Variants in GPC5 observed in about 807,000 individuals in gnomAD.
GPC5 encodes glypican 5, also known as glypican-5.
In GPC5, 47 loss-of-function variants were observed where a neutral mutation model predicts 53.9. The observed-to-expected ratio is 0.87, with a 90% confidence interval of 0.69 to 1.11. The LOEUF (loss-of-function observed/expected upper bound fraction) is 1.11, where lower values mean the gene tolerates loss of function less well. Among genes scored for constraint, GPC5 ranks in the 50% most tolerant of loss-of-function variants. The pLI is 0.00. For missense variants in GPC5, 748 were observed against 713.1 expected (o/e 1.05, Z -0.56); for synonymous variants, 286 against 263.3 (o/e 1.09, Z -0.84).
intron 6 of GPC5, among the ~76,000 whole-genome samples, chr13:91,942,366 ACAG>A (rs1566354356): frequency 2.6e-5 from 4 of 152,070 alleles, no homozygotes; most frequent in South Asian, 2.1e-4. Context: ...GCTGGTGCAT[ACAG>A]TCCATCAAGT....
chr13:92,840,465 T>C (rs982496634), intron 7 of GPC5, among the ~76,000 whole-genome samples: 2 of 152,090 alleles, frequency 1.3e-5, no homozygotes, highest in Admixed American at 6.6e-5. Flanking sequence ...CCTTGATTTG[T>C]CTATCTTTAT....
At chr13:92,338,951 G>A (rs1190426922) in intron 7 of GPC5, among the ~76,000 whole-genome samples, 1 of 152,038 alleles carries the variant, frequency 6.6e-6, no homozygotes, top group Non-Finnish European at 1.5e-5. Flanking sequence ...AGTGTGTGAT[G>A]TTGATAATGG....
At chr13:92,780,534 A>G (rs1875984507) in intron 7 of GPC5, among the ~76,000 whole-genome samples, 1 of 152,082 alleles carries the variant, frequency 6.6e-6, no homozygotes, top group Non-Finnish European at 1.5e-5. Flanking sequence ...AATAAAAAAC[A>G]GTATCAATGA....
intron 2 of GPC5, among the ~76,000 whole-genome samples, chr13:91,572,410 AG>A (rs2031963823): frequency 6.6e-6 from 1 of 151,936 alleles, no homozygotes; most frequent in African/African-American, 2.4e-5. Context: ...TAAAGAAAAA[AG>A]GTTTATTTGC....
chr13:91,919,998 A>T (rs1471770417), intron 6 of GPC5, among the ~76,000 whole-genome samples: 2 of 152,190 alleles, frequency 1.3e-5, no homozygotes, highest in East Asian at 3.9e-4. Flanking sequence ...ATCTATGGTG[A>T]AATCCTTTAC....
chr13:92,102,489 G>A (rs900905422), intron 6 of GPC5, among the ~76,000 whole-genome samples: 1 of 152,162 alleles, frequency 6.6e-6, no homozygotes, highest in Non-Finnish European at 1.5e-5. Flanking sequence ...AGGAAGGACT[G>A]TATCTAGAAT....
intron 7 of GPC5, among the ~76,000 whole-genome samples, chr13:92,147,402 CATATGTGTGT>C (rs983706767): frequency 6.6e-6 from 1 of 151,476 alleles, no homozygotes; most frequent in Non-Finnish European, 1.5e-5. Context: ...AGTGTGTGTG[CATATGTGTGT>C]ATAAATAGTA....
At chr13:91,665,538 T>C (rs918561364) in intron 2 of GPC5, among the ~76,000 whole-genome samples, 6 of 135,054 alleles carry the variant, frequency 4.4e-5, no homozygotes, top group African/African-American at 1.3e-4. Flanking sequence ...AGTCTCGCTC[T>C]GTCGCCCAGG....
At chr13:91,752,229 GGTAT>G (rs572925376) in intron 4 of GPC5, among the ~76,000 whole-genome samples, 17 of 151,726 alleles carry the variant, frequency 1.1e-4, no homozygotes, top group Admixed American at 3.3e-4. Context: ...TTTATGTGTG[GGTAT>G]GTATGTATGT....
intron 5 of GPC5, among the ~76,000 whole-genome samples, chr13:91,817,120 A>T (rs1038140457): frequency 6.6e-6 from 1 of 152,198 alleles, no homozygotes; most frequent in African/African-American, 2.4e-5. Context: ...GAATGCCAGT[A>T]TCACATACCT....
intron 7 of GPC5, among the ~76,000 whole-genome samples, chr13:92,520,183 A>C (rs1025076393): frequency 1.4e-4 from 22 of 152,112 alleles, no homozygotes; most frequent in Non-Finnish European, 3.1e-4. Flanking sequence ...GATTCACAGC[A>C]GAATTCTACC....
Position 91,399,127 on chromosome 13 carries a change from G to A in GPC5, c.81G>A (p.Val27=). The change falls in exon 1 of 8, where the codon GTG becomes GTA. Residue 27 remains valine (V), a synonymous_variant. Transcript: ENST00000377067. ...TTGGGTCCGCCCGCAGCGAGGGCGT[G>A]CAGACCTGCGAAGAAGTTCGGAAAC... ...ALVGSARSEG[V]QTCEEVRKLF... 2 of 1,612,440 alleles carry A rather than the reference G, an allele frequency of 1.2e-6. No individual in the cohort carries two copies. Among genetic ancestry groups the A allele is most frequent in the South Asian group, 1.1e-5 (1 of 90,654 alleles).
At chr13:92,582,527 T>C (rs1883405371) in intron 7 of GPC5, among the ~76,000 whole-genome samples, 1 of 152,124 alleles carries the variant, frequency 6.6e-6, no homozygotes, top group Non-Finnish European at 1.5e-5. Flanking sequence ...TTTTTCTATT[T>C]CTATAAAAAA....
chr13:92,538,511 T>A lies in GPC5; in HGVS notation c.1562-327771T>A, dbSNP rs574718601. ...AAGTTCTGGGATACATGTGCAGAATTTGCAGGTTTGTTACATAGGTATACA... is the reference window on the plus strand; with the variant it reads ...AAGTTCTGGGATACATGTGCAGAATATGCAGGTTTGTTACATAGGTATACA... On this transcript the variant is annotated intron_variant, in intron 7 of 7. Coordinates refer to ENST00000377067, the MANE Select transcript of GPC5 (RefSeq NM_004466.6). Among the ~76,000 whole-genome samples the A allele has an allele frequency of 1.6e-3, 242 of 149,254 alleles. 1 individual carries two copies. Among genetic ancestry groups the A allele is most frequent in the African/African-American group, 5.7e-3 (231 of 40,612 alleles).
intron 5 of GPC5, among the ~76,000 whole-genome samples, chr13:91,862,371 C>T (rs779778329): frequency 2.6e-5 from 4 of 152,134 alleles, no homozygotes; most frequent in Non-Finnish European, 4.4e-5. Flanking sequence ...GTTTTGCCCT[C>T]CAGGAAACAT....
chr13:92,833,520 A>T (rs1878121002), intron 7 of GPC5, among the ~76,000 whole-genome samples: 1 of 152,130 alleles, frequency 6.6e-6, no homozygotes, highest in Admixed American at 6.6e-5. Context: ...TCTTTGAAAA[A>T]TTGATGTTTT....
intron 2 of GPC5, among the ~76,000 whole-genome samples, chr13:91,652,935 A>G (rs997447113): frequency 6.6e-6 from 1 of 152,202 alleles, no homozygotes; most frequent in Admixed American, 6.5e-5. Context: ...TGGCTAAAGA[A>G]TATTATCTCA....
chr13:91,983,194 A>T (rs2040376045), intron 6 of GPC5, among the ~76,000 whole-genome samples: 1 of 152,124 alleles, frequency 6.6e-6, no homozygotes, highest in South Asian at 2.1e-4. Flanking sequence ...AAATACAAAA[A>T]AATTAGCCGG....
intron 2 of GPC5, among the ~76,000 whole-genome samples, chr13:91,672,828 A>G (rs1215446126): frequency 4.6e-5 from 7 of 152,242 alleles, no homozygotes; most frequent in Admixed American, 4.6e-4. Context: ...ACATGGAACT[A>G]ACCCAAATGC....
Sources: allele counts gnomAD v4.1 joint callset (sites outside exome capture counted in the v4.1 genomes callset), GRCh38; gene constraint gnomAD v4.1.1; transcripts MANE v1.5; gene names NCBI Gene and HGNC (gene_info 2026-07-23, HGNC 2026-07-21).